Variants in FAM117B observed in about 807,000 individuals in gnomAD.
FAM117B encodes family with sequence similarity 117 member B.
Under a neutral mutation model 52.8 loss-of-function variants are expected in FAM117B, and 22 were observed. The observed-to-expected ratio is 0.42, with a 90% CI of 0.30 to 0.59. The LOEUF (loss-of-function observed/expected upper bound fraction) is 0.59. FAM117B is among the 20% of genes least tolerant of loss of function. FAM117B has a pLI of 0.22. For synonymous variants in FAM117B, 309 were observed against 324.1 expected (o/e 0.95, Z 0.50); for missense variants, 678 against 802.6 (o/e 0.84, Z 1.88).
At chr2:202,752,421 T>TC (rs1691739275) in intron 4 of FAM117B, among the ~76,000 whole-genome samples, 1 of 151,124 alleles carries the variant, frequency 6.6e-6, no homozygotes, top group Non-Finnish European at 1.5e-5. Flanking sequence ...TTTTTCTTTT[T>TC]TTTTTTTTTT....
chr2:202,764,098 T>A (rs966676648), intron 7 of FAM117B, among the ~76,000 whole-genome samples: 7 of 152,192 alleles, frequency 4.6e-5, no homozygotes, highest in African/African-American at 1.7e-4. Context: ...AAATGCATCA[T>A]ATACACAAGA....
chr2:202,648,992 G>A lies in FAM117B; in HGVS notation c.601+13204G>A, dbSNP rs371273895. On this transcript the variant is annotated intron_variant, in intron 1 of 7. Transcript: ENST00000392238. ...TGGTCTCGAGCTCCTGACCTCGGGCGTTCTGCCCGCCTCAGCCTCAAAGTG... is the reference window on the plus strand; with the variant it reads ...TGGTCTCGAGCTCCTGACCTCGGGCATTCTGCCCGCCTCAGCCTCAAAGTG... Among the ~76,000 whole-genome samples the A allele has an allele frequency of 1.5e-3, 216 of 148,386 alleles. 1 individual carries two copies. Among genetic ancestry groups the A allele is most frequent in the African/African-American group, 5.5e-3 (209 of 37,812 alleles).
chr2:202,724,568 G>A lies in FAM117B; in HGVS notation c.754-349G>A, dbSNP rs147664895. 7.9e-5 allele frequency among the ~76,000 whole-genome samples: 12 copies of A among 152,182 alleles called. No homozygotes were observed. In the South Asian group the frequency reaches 8.3e-4, roughly 11 times the overall value. On this transcript the variant is annotated intron_variant, in intron 2 of 7. Transcript: ENST00000392238. ...TAGCTATTATTAGTGTGCCTGGTGC[G>A]TGCTAATAATAACTGACATTATTAG...
At chr2:202,645,593 G>C (rs1689849572) in intron 1 of FAM117B, among the ~76,000 whole-genome samples, 1 of 146,822 alleles carries the variant, frequency 6.8e-6, no homozygotes, top group East Asian at 2.1e-4. Flanking sequence ...CCGGCAGCCT[G>C]TTTTTATTTC....
At chr2:202,638,274 C>T (rs1459106969) in intron 1 of FAM117B, among the ~76,000 whole-genome samples, 2 of 152,182 alleles carry the variant, frequency 1.3e-5, no homozygotes, top group Non-Finnish European at 2.9e-5. Flanking sequence ...AAGGAGCTGG[C>T]TTATAAGTGG....
At chr2:202,668,484 C>T (rs548437241) in intron 1 of FAM117B, among the ~76,000 whole-genome samples, 204 of 138,128 alleles carry the variant, frequency 1.5e-3, no homozygotes, top group Non-Finnish European at 2.5e-3. Flanking sequence ...GCTGAGATCA[C>T]GCCACTGCAC....
At chr2:202,654,066 A>C (rs867962461) in intron 1 of FAM117B, among the ~76,000 whole-genome samples, 1 of 107,852 alleles carries the variant, frequency 9.3e-6, no homozygotes, top group Non-Finnish European at 1.6e-5. Context: ...AGTGAGTGAG[A>C]GAGAGAGAGA....
intron 1 of FAM117B, among the ~76,000 whole-genome samples, chr2:202,693,478 C>T (rs915009474): frequency 1.3e-5 from 2 of 152,110 alleles, no homozygotes; most frequent in Non-Finnish European, 2.9e-5. Flanking sequence ...CACCTGTAGT[C>T]CCAGCTACTT....
chr2:202,694,188 CTTTTTTTTTT>C (rs757843381), intron 1 of FAM117B, among the ~76,000 whole-genome samples: 1 of 99,098 alleles, frequency 1.0e-5, no homozygotes, highest in African/African-American at 4.4e-5. Flanking sequence ...AAACCCACTT[CTTTTTTTTTT>C]TTTTTTTTTT....
intron 2 of FAM117B, among the ~76,000 whole-genome samples, chr2:202,705,917 A>C (rs1183891552): frequency 6.6e-6 from 1 of 152,022 alleles, no homozygotes; most frequent in East Asian, 1.9e-4. Flanking sequence ...AACTTTCTTA[A>C]CCTAGGCTTA....
intron 2 of FAM117B, among the ~76,000 whole-genome samples, chr2:202,715,008 T>C (rs1250883588): frequency 2.0e-5 from 3 of 152,174 alleles, no homozygotes; most frequent in Non-Finnish European, 2.9e-5. Context: ...TCCACAAAAC[T>C]GCCATTGTCA....
rs1311366945 is a variant in FAM117B, at chr2:202,666,253, A to T, written c.602-29628A>T. ...ATTAAAAACAATTGAAACGGAAGTT[A>T]TGTTAGCAAAATAAACATGAAAATT... On this transcript the variant is annotated intron_variant, in intron 1 of 7. Coordinates refer to ENST00000392238, the MANE Select transcript of FAM117B (RefSeq NM_173511.4). Among the ~76,000 whole-genome samples, 5 of 152,282 alleles carry T rather than the reference A, an allele frequency of 3.3e-5. No individual in the cohort carries two copies. In the East Asian group the frequency reaches 9.6e-4, roughly 29 times the overall value.
At chr2:202,716,842 C>CA (rs1164925212) in intron 2 of FAM117B, among the ~76,000 whole-genome samples, 1 of 152,168 alleles carries the variant, frequency 6.6e-6, no homozygotes. Context: ...TTGCATTTTT[C>CA]AACTCCAGAA....
At chr2:202,719,566 CTCT>C (rs1217858359) in intron 2 of FAM117B, among the ~76,000 whole-genome samples, 2 of 152,160 alleles carry the variant, frequency 1.3e-5, no homozygotes, top group South Asian at 2.1e-4. Context: ...GACATTCTAA[CTCT>C]TCTTAACTAT....
At chr2:202,758,348 A>C (rs932003664) in intron 6 of FAM117B, among the ~76,000 whole-genome samples, 10 of 152,234 alleles carry the variant, frequency 6.6e-5, no homozygotes, top group African/African-American at 2.4e-4. Context: ...AGGTCTGATA[A>C]AACACGGGTC....
At chr2:202,641,988 G>C (rs1261170463) in intron 1 of FAM117B, among the ~76,000 whole-genome samples, 2 of 148,916 alleles carry the variant, frequency 1.3e-5, no homozygotes, top group Non-Finnish European at 1.5e-5. Context: ...TGTCGCCCAG[G>C]CTGGAGTGCA....
rs1016732150 is a variant in FAM117B at position 202,768,125 on chromosome 2, T to G, written c.*2361T>G. The G allele has an allele frequency of 6.6e-6, 1 of 152,202 alleles. No individual in the cohort carries two copies. The highest frequency in any genetic ancestry group is 1.5e-5 in the Non-Finnish European group (1 of 68,034). 9.4% of individuals were successfully genotyped at this position (152,202 alleles called of 1,614,324 possible). ...TGGTTTTTGGATGACTTGAATTCTG[T>G]TAAATCTGTGTTCTTGGCCTTGCAC... On this transcript the variant is annotated 3_prime_UTR_variant, in exon 8 of 8. Transcript: ENST00000392238.
chr2:202,670,462 G>A (rs553291838), intron 1 of FAM117B, among the ~76,000 whole-genome samples: 1 of 151,882 alleles, frequency 6.6e-6, no homozygotes, highest in African/African-American at 2.4e-5. Context: ...GCTAATTTTT[G>A]TATTTTTAGA....
At chr2:202,673,918 G>A in intron 1 of FAM117B, among the ~76,000 whole-genome samples, 1 of 152,060 alleles carries the variant, frequency 6.6e-6, no homozygotes, top group East Asian at 1.9e-4. Flanking sequence ...TCTTCTACAT[G>A]ATGGGTGTTT....
Sources: gnomAD v4.1 joint callset for allele counts (sites outside exome capture counted in the v4.1 genomes callset) on GRCh38, gnomAD v4.1.1 for gene constraint, MANE v1.5 for transcripts, NCBI Gene and HGNC (gene_info 2026-07-23, HGNC 2026-07-21) for gene names.